The following ARHGEF17 variants were observed in gnomAD, a reference collection of about 807,000 sequenced individuals.
ARHGEF17 encodes Rho guanine nucleotide exchange factor 17.
A neutral mutation model predicts 174.0 loss-of-function variants in ARHGEF17; 80 were observed. The ratio of observed to expected loss-of-function variants is 0.46; its 90% CI spans 0.38 to 0.55. The LOEUF is 0.55. ARHGEF17 is among the 20% of genes least tolerant of loss of function. The pLI is 0.00. For missense variants in ARHGEF17, 2,886 were observed against 2,839.7 expected, an observed-to-expected ratio of 1.02 and a Z score of -0.37; for synonymous variants, 1,311 against 1,189.1, an observed-to-expected ratio of 1.10 and a Z score of -2.11.
At chr11:73,330,835 GGCA>G (rs1048012917) in intron 1 of ARHGEF17, among the ~76,000 whole-genome samples, 1 of 152,218 alleles carries the variant, frequency 6.6e-6, no homozygotes, top group African/African-American at 2.4e-5. Flanking sequence ...ATGGAGGGCT[GGCA>G]GCAGAATTCA....
intron 1 of ARHGEF17, among the ~76,000 whole-genome samples, chr11:73,324,581 T>G (rs1370240789): frequency 6.6e-6 from 1 of 152,114 alleles, no homozygotes; most frequent in Non-Finnish European, 1.5e-5. Flanking sequence ...GGTGCTTAGC[T>G]CAGGTCACAG....
At position 73,360,385 on chromosome 11, in the gene ARHGEF17, G is replaced by A. The variant is rs919473972; in HGVS notation, c.4272G>A (p.Ala1424=). 3.1e-6 allele frequency: 5 copies of A among 1,613,790 alleles called. No homozygotes were observed. Among genetic ancestry groups the A allele is most frequent in the Middle Eastern group, 1.6e-4 (1 of 6,084 alleles). ...ACCGGGACCTGTCGGAGAAGCAGGCGCTGTGCTACGCGCTTTCCTTCCCGC... is the reference window on the plus strand; with the variant it reads ...ACCGGGACCTGTCGGAGAAGCAGGCACTGTGCTACGCGCTTTCCTTCCCGC... ...AMHRDLSEKQ[A]LCYALSFPPT... The change falls in exon 11 of 21, where the codon GCG becomes GCA. Residue 1424 remains alanine (A), a synonymous_variant. Coordinates refer to ENST00000263674, the MANE Select transcript of ARHGEF17 (RefSeq NM_014786.4).
At chr11:73,318,235 A>G (rs780471421) in intron 1 of ARHGEF17, among the ~76,000 whole-genome samples, 2 of 151,954 alleles carry the variant, frequency 1.3e-5, no homozygotes, top group African/African-American at 2.4e-5. Flanking sequence ...CTCCTGCTCT[A>G]GGATCCCCCC....
chr11:73,346,756 G>A (rs1472077754), intron 1 of ARHGEF17, 127 bp from the exon 2 acceptor site: 13 of 685,790 alleles, frequency 1.9e-5, no homozygotes, highest in South Asian at 5.6e-5. Flanking sequence ...AGCCCTGGGC[G>A]GCAGGAGGGA....
chr11:73,352,824 C>A lies in ARHGEF17; in HGVS notation c.3271-6C>A. On this transcript the variant is annotated splice_region_variant and splice_polypyrimidine_tract_variant and intron_variant, in intron 2 of 20. Transcript: ENST00000263674. ...GGAGTGTGCACCGACCCTGTGGGTC[C>A]TTCAGGGCTACATGCAGCCGCTGAA... The A allele has an allele frequency of 1.9e-6, 3 of 1,613,766 alleles. No homozygotes were observed. Among genetic ancestry groups the A allele is most frequent in the Non-Finnish European group, 2.5e-6 (3 of 1,180,016 alleles).
chr11:73,321,642 A>G (rs1433544858), intron 1 of ARHGEF17, among the ~76,000 whole-genome samples: 1 of 152,178 alleles, frequency 6.6e-6, no homozygotes, highest in Non-Finnish European at 1.5e-5. Context: ...GCTCTCAGAA[A>G]TGTGGCCACT....
Position 73,365,886 on chromosome 11 carries a change from A to C in ARHGEF17, c.5934A>C (p.Ala1978=). 6.2e-7 allele frequency: 1 copy of C among 1,610,314 alleles called. No homozygotes were observed. The highest frequency in any genetic ancestry group is 8.5e-7 in the Non-Finnish European group (1 of 1,180,014). ...CCGGCCACGTCCGCTTCTTGGCTGC[A>C]GTCCAGCTGCCAGATGGCTTCAACC... The part of the protein sequence containing the change: ...GHTGHVRFLA[A]VQLPDGFNLL... Residue 1978 remains alanine, a synonymous_variant, in exon 20 of 21, where the codon GCA becomes GCC. Transcript: ENST00000263674. The surrounding 1 kb of genome is among the most constrained non-coding windows in gnomAD (Gnocchi z 4.9).
At chr11:73,332,262 G>A (rs1231164756) in intron 1 of ARHGEF17, among the ~76,000 whole-genome samples, 1 of 151,910 alleles carries the variant, frequency 6.6e-6, no homozygotes, top group African/African-American at 2.4e-5. Flanking sequence ...GTGGAGAGTG[G>A]TCTCTGGCTC....
intron 10 of ARHGEF17, 130 bp from the exon 11 acceptor site, chr11:73,360,190 G>A (rs1299452599): frequency 9.3e-7 from 1 of 1,075,754 alleles, no homozygotes; most frequent in Non-Finnish European, 1.3e-6. Flanking sequence ...TATATCAAAG[G>A]AATCCAGGTC....
Position 73,365,282 on chromosome 11 carries a change from C to A in ARHGEF17, c.5551-108C>A. On this transcript the variant is annotated intron_variant, in intron 18 of 20. Coordinates refer to ENST00000263674, the MANE Select transcript of ARHGEF17 (RefSeq NM_014786.4). The surrounding 1 kb of genome is among the most constrained non-coding windows in gnomAD (Gnocchi z 4.9). ...TCGAAAGGTTAATCAGACCAAGGAC[C>A]AACGCTAGTGTGAGTTGTGAGGGAT... The A allele has an allele frequency of 1.5e-6, 2 of 1,290,448 alleles. No individual in the cohort carries two copies. The highest frequency in any genetic ancestry group is 1.1e-6 in the Non-Finnish European group (1 of 921,170). 79.9% of individuals were successfully genotyped at this position (1,290,448 alleles called of 1,614,324 possible). A position where few individuals can be genotyped will look rare whatever the true frequency, so the allele number is the denominator to read the frequency against.
chr11:73,362,843 A>G (rs1865770739), intron 14 of ARHGEF17, 109 bp downstream of exon 14: 4 of 1,349,538 alleles, frequency 3.0e-6, no homozygotes, highest in Non-Finnish European at 4.0e-6. Context: ...GTCAGACCTC[A>G]GGATGTTAGC....
In ARHGEF17 at chr11:73,309,088, G is replaced by A; in HGVS notation, c.450G>A (p.Thr150=). ...GCGCCGACTCTGAATCCCCAGGAAC[G>A]CCCAGCCCCGACGGTGCCGCGTGGG... ...RPSADSESPG[T]PSPDGAAWEP... is the part of the protein sequence containing the mutation. The change falls in exon 1 of 21, where the codon ACG becomes ACA. Residue 150 remains threonine, a synonymous_variant. Coordinates refer to ENST00000263674, the MANE Select transcript of ARHGEF17 (RefSeq NM_014786.4). 1 of 1,536,916 alleles carries A rather than the reference G, an allele frequency of 6.5e-7. No homozygotes were observed. Among genetic ancestry groups the A allele is most frequent in the Non-Finnish European group, 8.7e-7 (1 of 1,146,126 alleles).
chr11:73,360,511 C>T lies in ARHGEF17; in HGVS notation c.4398C>T (p.Phe1466=), dbSNP rs757584384. Residue 1466 remains phenylalanine (F), a synonymous_variant, in exon 11 of 21, where the codon TTC becomes TTT. Coordinates refer to ENST00000263674, the MANE Select transcript of ARHGEF17 (RefSeq NM_014786.4). ...CCCGCCTTGGTTTTGAACAGGCCTT[C>T]GATGAGGCCAAGAGGAAGCTGGGTA... ...PDARLGFEQA[F]DEAKRKLASS... The T allele has an allele frequency of 3.7e-6, 6 of 1,613,908 alleles. No individual in the cohort carries two copies. The highest frequency in any genetic ancestry group is 3.4e-6 in the Non-Finnish European group (4 of 1,180,032).
intron 1 of ARHGEF17, among the ~76,000 whole-genome samples, chr11:73,335,432 A>G (rs1454749409): frequency 1.3e-5 from 2 of 151,392 alleles, no homozygotes; most frequent in Non-Finnish European, 2.9e-5. Context: ...CTCAAGCCCC[A>G]CCTCCTGCTT....
chr11:73,339,835 G>A (rs1865342673), intron 1 of ARHGEF17, among the ~76,000 whole-genome samples: 1 of 152,156 alleles, frequency 6.6e-6, no homozygotes, highest in Non-Finnish European at 1.5e-5. Context: ...AAGAGCAGGT[G>A]AGAGTGTGGC....
Position 73,365,868 on chromosome 11 carries a change from C to T in ARHGEF17, c.5916C>T (p.His1972=), listed in dbSNP as rs1442655483. The change falls in exon 20 of 21, where the codon CAC becomes CAT. Residue 1972 remains histidine, a synonymous_variant. Coordinates refer to ENST00000263674, the MANE Select transcript of ARHGEF17 (RefSeq NM_014786.4). This position sits in a 1 kb window ranked among gnomAD's most constrained non-coding sequence, Gnocchi z 4.9. ...PTGLGQGHTG[H]VRFLAAVQLP... is the part of the protein sequence containing the mutation. ...GCCTCGGCCAGGGACACACCGGCCA[C>T]GTCCGCTTCTTGGCTGCAGTCCAGC... The T allele has an allele frequency of 6.8e-6, 11 of 1,611,820 alleles. No individual in the cohort carries two copies. Among genetic ancestry groups the T allele is most frequent in the Middle Eastern group, 1.7e-4 (1 of 6,058 alleles).
Position 73,337,370 on chromosome 11 carries a change from C to A in ARHGEF17, c.3193-9513C>A, listed in dbSNP as rs973480383. Among the ~76,000 whole-genome samples the A allele has an allele frequency of 3.3e-5, 5 of 149,532 alleles. No homozygotes were observed. In the Admixed American group the frequency reaches 3.3e-4, roughly 10 times the overall value. On this transcript the variant is annotated intron_variant, in intron 1 of 20. Coordinates refer to ENST00000263674, the MANE Select transcript of ARHGEF17 (RefSeq NM_014786.4). ...TGCAGTGAGCTGTCACGCCACTACACTCCAGCCTGGGTGACAGAGTGAGAC... is the reference window on the plus strand; with the variant it reads ...TGCAGTGAGCTGTCACGCCACTACAATCCAGCCTGGGTGACAGAGTGAGAC...
intron 8 of ARHGEF17, 51 bp downstream of exon 8, chr11:73,357,185 C>G: frequency 6.2e-7 from 1 of 1,612,740 alleles, no homozygotes; most frequent in Non-Finnish European, 8.5e-7. Flanking sequence ...GAGCATTTGT[C>G]CCTCTCTGAG....
At position 73,363,110 on chromosome 11, in the gene ARHGEF17, G is replaced by A. The variant is rs114602455; in HGVS notation, c.4997-96G>A. 1,786 of 1,435,084 alleles carry A rather than the reference G, an allele frequency of 1.2e-3. 24 individuals are homozygous for A. The African/African-American group carries it at 0.021, about 17-fold the overall frequency. 88.9% of individuals were successfully genotyped at this position (1,435,084 alleles called of 1,614,324 possible). On this transcript the variant is annotated intron_variant, in intron 14 of 20. Coordinates refer to ENST00000263674, the MANE Select transcript of ARHGEF17 (RefSeq NM_014786.4). ...GAAGAACAGCTTTGAGAGGCCTTCC[G>A]GAGGGGCATGGCCAGGAGGGATGCA...
Sources: allele counts gnomAD v4.1 joint callset (sites outside exome capture counted in the v4.1 genomes callset), GRCh38; gene constraint gnomAD v4.1.1; non-coding constraint Gnocchi (gnomAD v3.1); transcripts MANE v1.5; gene names NCBI Gene and HGNC (gene_info 2026-07-23, HGNC 2026-07-21).